The following GPC6 variants were observed in gnomAD, a reference collection of about 807,000 sequenced individuals.
GPC6 encodes the protein glypican-6.
In GPC6, 14 loss-of-function variants were observed where a neutral mutation model predicts 55.2. The ratio of observed to expected loss-of-function variants is 0.25; its 90% confidence interval spans 0.17 to 0.40. The LOEUF is 0.40. GPC6 is among the 10% of genes least tolerant of loss of function. The probability of loss-of-function intolerance (pLI) is 1.00; values close to 1 mark genes in which losing one functional copy is unlikely to be tolerated. For synonymous variants in GPC6, 278 were observed against 259.6 expected (o/e 1.07, Z -0.68); for missense variants, 641 against 708.5 (o/e 0.90, Z 1.08).
chr13:93,905,080 T>C (rs1190160993), intron 3 of GPC6, among the ~76,000 whole-genome samples: 23 of 116,280 alleles, frequency 2.0e-4, no homozygotes, highest in Admixed American at 5.7e-4. Context: ...ATTCTCTCTT[T>C]TTTTTTTTTT....
intron 4 of GPC6, among the ~76,000 whole-genome samples, chr13:94,128,632 G>A (rs1886904688): frequency 6.6e-6 from 1 of 152,104 alleles, no homozygotes; most frequent in Admixed American, 6.6e-5. Flanking sequence ...AAGTGACAGA[G>A]TGTTACAACT....
intron 8 of GPC6, among the ~76,000 whole-genome samples, chr13:94,401,805 G>A (rs1173045684): frequency 6.6e-6 from 1 of 152,088 alleles, no homozygotes; most frequent in Non-Finnish European, 1.5e-5. Context: ...AGAGGCACAT[G>A]CCTATAGTCC....
At chr13:93,577,190 C>T (rs938533803) in intron 2 of GPC6, among the ~76,000 whole-genome samples, 1 of 152,098 alleles carries the variant, frequency 6.6e-6, no homozygotes, top group Non-Finnish European at 1.5e-5. Context: ...CTCACTGAAA[C>T]AAAATCACAA....
intron 3 of GPC6, among the ~76,000 whole-genome samples, chr13:93,980,096 A>G (rs554245709): frequency 2.0e-5 from 3 of 152,186 alleles, no homozygotes; most frequent in African/African-American, 7.2e-5. Context: ...TCCCACAACA[A>G]ATGGAAATCT....
At chr13:93,381,341 G>T (rs1030133006) in intron 1 of GPC6, among the ~76,000 whole-genome samples, 1 of 152,036 alleles carries the variant, frequency 6.6e-6, no homozygotes, top group African/African-American at 2.4e-5. Flanking sequence ...ATTTAGGGTG[G>T]AGTTGTTTAT....
At chr13:93,593,862 A>G (rs1877601706) in intron 2 of GPC6, among the ~76,000 whole-genome samples, 1 of 152,150 alleles carries the variant, frequency 6.6e-6, no homozygotes, top group South Asian at 2.1e-4. Flanking sequence ...AATATAAGAA[A>G]GATTTCTCTG....
chr13:93,662,508 T>G (rs1160934813), intron 2 of GPC6, among the ~76,000 whole-genome samples: 2 of 152,024 alleles, frequency 1.3e-5, no homozygotes. Flanking sequence ...GCAGGTGCCT[T>G]AATCCCAGCT....
intron 4 of GPC6, among the ~76,000 whole-genome samples, chr13:94,117,947 T>C (rs1412981814): frequency 1.3e-5 from 2 of 152,112 alleles, no homozygotes; most frequent in East Asian, 3.9e-4. Context: ...TGAAAACTTT[T>C]TGAAATGAAG....
chr13:93,680,969 G>A (rs1881826101), intron 2 of GPC6, among the ~76,000 whole-genome samples: 1 of 152,140 alleles, frequency 6.6e-6, no homozygotes, highest in Admixed American at 6.6e-5. Flanking sequence ...CTGGGAAGCA[G>A]TTTCAAGAAT....
intron 2 of GPC6, among the ~76,000 whole-genome samples, chr13:93,788,543 A>ACC (rs1555331553): frequency 6.6e-6 from 1 of 150,586 alleles, no homozygotes; most frequent in Admixed American, 6.7e-5. Flanking sequence ...ACACACACAC[A>ACC]CCTTGTCTGC....
intron 1 of GPC6, among the ~76,000 whole-genome samples, chr13:93,366,005 G>A (rs1881233841): frequency 6.6e-6 from 1 of 152,010 alleles, no homozygotes; most frequent in Admixed American, 6.6e-5. Flanking sequence ...TTTTTACTAA[G>A]GTTTGGTAAC....
chr13:93,381,121 A>G (rs1431668830), intron 1 of GPC6, among the ~76,000 whole-genome samples: 1 of 152,206 alleles, frequency 6.6e-6, no homozygotes, highest in Non-Finnish European at 1.5e-5. Context: ...AAAGGACAAT[A>G]ACCTGAAATA....
chr13:94,331,776 G>A (rs747288179), intron 6 of GPC6, among the ~76,000 whole-genome samples: 1 of 152,110 alleles, frequency 6.6e-6, no homozygotes, highest in African/African-American at 2.4e-5. Context: ...TCACTACTTA[G>A]GAAAAGTAAA....
chr13:94,041,514 G>C (rs1883532454), intron 4 of GPC6, among the ~76,000 whole-genome samples: 1 of 151,712 alleles, frequency 6.6e-6, no homozygotes, highest in Admixed American at 6.6e-5. Flanking sequence ...ATCTTTTTAT[G>C]CTTCCAGAAA....
intron 4 of GPC6, among the ~76,000 whole-genome samples, chr13:94,242,856 A>C (rs2139027893): frequency 6.6e-6 from 1 of 152,200 alleles, no homozygotes; most frequent in East Asian, 1.9e-4. Flanking sequence ...GTAGTATGTA[A>C]GTTTCCAAGA....
chr13:93,819,095 G>A (rs1383179502), intron 2 of GPC6, among the ~76,000 whole-genome samples: 1 of 152,138 alleles, frequency 6.6e-6, no homozygotes, highest in Non-Finnish European at 1.5e-5. Context: ...GATTTTAATG[G>A]GCACCCTGGG....
At chr13:94,280,337 A>T (rs1892340082) in intron 4 of GPC6, among the ~76,000 whole-genome samples, 1 of 152,128 alleles carries the variant, frequency 6.6e-6, no homozygotes, top group South Asian at 2.1e-4. Context: ...GGTAATTTCT[A>T]GTCCTAAATT....
intron 6 of GPC6, among the ~76,000 whole-genome samples, chr13:94,317,794 C>T (rs1298736924): frequency 6.6e-6 from 1 of 152,010 alleles, no homozygotes; most frequent in Non-Finnish European, 1.5e-5. Context: ...AAGAAGCTGA[C>T]TTTCAATAAC....
chr13:94,020,438 G>A (rs1566296950), intron 3 of GPC6, among the ~76,000 whole-genome samples: 1 of 152,170 alleles, frequency 6.6e-6, no homozygotes, highest in Non-Finnish European at 1.5e-5. Context: ...TTGACTAAGT[G>A]CTCTTCTGGT....
Sources: gnomAD v4.1 joint callset for allele counts (sites outside exome capture counted in the v4.1 genomes callset) on GRCh38, gnomAD v4.1.1 for gene constraint, MANE v1.5 for transcripts, NCBI Gene and HGNC (gene_info 2026-07-23, HGNC 2026-07-21) for gene names.